The following BAZ1A variants were observed in gnomAD, a reference collection of about 807,000 sequenced individuals.
BAZ1A encodes the protein bromodomain adjacent to zinc finger domain 1A.
BAZ1A carries 50 observed loss-of-function variants against 185.2 expected under a neutral mutation model. The ratio of observed to expected loss-of-function variants is 0.27; its 90% CI spans 0.22 to 0.34. The LOEUF (loss-of-function observed/expected upper bound fraction) is 0.34, where lower values mean the gene tolerates loss of function less well. Among genes scored for constraint, BAZ1A ranks in the 10% least tolerant of loss-of-function variants. BAZ1A has a pLI of 1.00. For missense variants in BAZ1A, 1,356 were observed against 1,839.9 expected (o/e 0.74, Z 4.81); for synonymous variants, 571 against 615.6 (o/e 0.93, Z 1.07).
In BAZ1A at chr14:34,832,215, C is replaced by CACACACACACACACACACATATATATAT; in HGVS notation, c.393-6060_393-6059insATATATATATGTGTGTGTGTGTGTGTGT. Among the ~76,000 whole-genome samples, 344 of 89,610 alleles carry CACACACACACACACACACATATATATAT rather than the reference C, an allele frequency of 3.8e-3. 3 individuals carry two copies. Among genetic ancestry groups the CACACACACACACACACACATATATATAT allele is most frequent in the East Asian group, 0.038 (98 of 2,588 alleles). 58.8% of individuals were successfully genotyped at this position (89,610 alleles called of 152,430 possible). On this transcript the variant is annotated intron_variant, in intron 3 of 26. Transcript: ENST00000360310. ...ATACACACACACACACACACACACA[C>CACACACACACACACACACATATATATAT]ATATATATATATATATGTATGTATG...
At chr14:34,777,196 A>T (rs540856749) in intron 17 of BAZ1A, among the ~76,000 whole-genome samples, 2 of 152,228 alleles carry the variant, frequency 1.3e-5, no homozygotes, top group Non-Finnish European at 2.9e-5. Flanking sequence ...CAGCTATTCA[A>T]TTCCACTCTT....
chr14:34,754,282 G>A (rs922431963), intron 26 of BAZ1A, among the ~76,000 whole-genome samples: 40 of 149,346 alleles, frequency 2.7e-4, no homozygotes, highest in African/African-American at 9.1e-4. Flanking sequence ...AATTAGGCAT[G>A]GTGGCCTGCA....
chr14:34,847,970 C>T (rs1041412720), intron 3 of BAZ1A, among the ~76,000 whole-genome samples: 2 of 152,100 alleles, frequency 1.3e-5, no homozygotes, highest in South Asian at 4.1e-4. Context: ...AGCAATCTTC[C>T]CACCTCAGTC....
intron 5 of BAZ1A, 32 bp from the exon 6 acceptor site, chr14:34,807,570 G>C (rs2041864421): frequency 1.3e-6 from 2 of 1,526,260 alleles, no homozygotes; most frequent in Non-Finnish European, 1.8e-6. Flanking sequence ...AAGAGGGGTA[G>C]TGTTAGCATC....
At chr14:34,861,060 C>A (rs1352422839) in intron 3 of BAZ1A, among the ~76,000 whole-genome samples, 1 of 151,970 alleles carries the variant, frequency 6.6e-6, no homozygotes, top group East Asian at 1.9e-4. Context: ...TCTAACATTA[C>A]ATACAAACTT....
At chr14:34,864,390 A>G (rs1372131705) in intron 2 of BAZ1A, among the ~76,000 whole-genome samples, 1 of 151,668 alleles carries the variant, frequency 6.6e-6, no homozygotes, top group African/African-American at 2.4e-5. Context: ...ACAATTCACC[A>G]CCTCAGCCTC....
At chr14:34,851,300 T>G (rs2042592596) in intron 3 of BAZ1A, among the ~76,000 whole-genome samples, 1 of 120,432 alleles carries the variant, frequency 8.3e-6, no homozygotes, top group African/African-American at 3.2e-5. Flanking sequence ...ACCACTGCAC[T>G]CTACCCTGGG....
intron 4 of BAZ1A, chr14:34,816,936 T>C: frequency 3.2e-6 from 1 of 310,636 alleles, no homozygotes; most frequent in Admixed American, 3.8e-5. Flanking sequence ...AAAAATCTAT[T>C]AGTAATTTTT....
intron 2 of BAZ1A, among the ~76,000 whole-genome samples, chr14:34,872,674 C>G (rs577639579): frequency 6.6e-6 from 1 of 152,164 alleles, no homozygotes; most frequent in African/African-American, 2.4e-5. Flanking sequence ...TTCAGCAATT[C>G]AGATTTCTCC....
intron 5 of BAZ1A, among the ~76,000 whole-genome samples, chr14:34,810,094 T>C (rs531017256): frequency 2.0e-5 from 3 of 152,270 alleles, no homozygotes; most frequent in South Asian, 2.1e-4. Context: ...TTAATACTTA[T>C]ATTATTATCA....
chr14:34,863,152 CTTTTTTTTTTT>C (rs71121233), intron 2 of BAZ1A, among the ~76,000 whole-genome samples: 9 of 44,704 alleles, frequency 2.0e-4, no homozygotes, highest in East Asian at 5.9e-4. Context: ...CCACGCTCGG[CTTTTTTTTTTT>C]TTTTTTTTTT....
At chr14:34,869,462 A>G (rs2042918339) in intron 2 of BAZ1A, among the ~76,000 whole-genome samples, 1 of 152,172 alleles carries the variant, frequency 6.6e-6, no homozygotes, top group Non-Finnish European at 1.5e-5. Flanking sequence ...ATCTGAAGAT[A>G]TTTCTTCTTG....
chr14:34,863,138 G>A (rs562030375), intron 2 of BAZ1A, among the ~76,000 whole-genome samples: 17 of 124,468 alleles, frequency 1.4e-4, no homozygotes, highest in East Asian at 4.9e-4. Flanking sequence ...ACAGGTGCCC[G>A]CCACCACGCT....
At chr14:34,856,173 C>T (rs182474728) in intron 3 of BAZ1A, among the ~76,000 whole-genome samples, 37 of 152,264 alleles carry the variant, frequency 2.4e-4, no homozygotes, top group African/African-American at 8.4e-4. Flanking sequence ...TGTGGGGAAC[C>T]TAGGCCTAGC....
At chr14:34,793,164 C>G (rs1316349419) in intron 11 of BAZ1A, among the ~76,000 whole-genome samples, 1 of 152,068 alleles carries the variant, frequency 6.6e-6, no homozygotes, top group East Asian at 1.9e-4. Context: ...CTCAATAGAT[C>G]AACATATTTC....
chr14:34,799,793 G>C (rs1881407350), intron 9 of BAZ1A, among the ~76,000 whole-genome samples: 1 of 151,994 alleles, frequency 6.6e-6, no homozygotes, highest in African/African-American at 2.4e-5. Flanking sequence ...TGTATTTTTA[G>C]TAGAGATGGG....
At chr14:34,763,359 G>A (rs1385377672) in intron 23 of BAZ1A, among the ~76,000 whole-genome samples, 1 of 147,732 alleles carries the variant, frequency 6.8e-6, no homozygotes, top group Non-Finnish European at 1.5e-5. Context: ...CACTTTTGCA[G>A]TTCTAGGTTG....
Position 34,764,843 on chromosome 14 carries a change from T to C in BAZ1A, c.3640A>G (p.Ser1214Gly). ...ATACTGTCTTCCACATCTTCATCAC[T>C]TTCCAAGGATGGTCTCTGTCTAGAG... ...LSSRQRPSLE[S>G]DEDVEDSMGG... Residue 1214 changes from serine to glycine, a missense_variant, in exon 23 of 27, where the codon AGT becomes GGT. Transcript: ENST00000360310. The C allele has an allele frequency of 6.2e-7, 1 of 1,614,156 alleles. No individual in the cohort carries two copies. Among genetic ancestry groups the C allele is most frequent in the Non-Finnish European group, 8.5e-7 (1 of 1,180,028 alleles).
At chr14:34,800,646 C>A (rs548664562) in intron 8 of BAZ1A, among the ~76,000 whole-genome samples, 53 of 152,262 alleles carry the variant, frequency 3.5e-4, no homozygotes, top group African/African-American at 1.3e-3. Flanking sequence ...GATCTGAAGA[C>A]CAGCAGCAAG....
Sources: allele counts gnomAD v4.1 joint callset (sites outside exome capture counted in the v4.1 genomes callset), GRCh38; gene constraint gnomAD v4.1.1; transcripts MANE v1.5; gene names NCBI Gene and HGNC (gene_info 2026-07-23, HGNC 2026-07-21).